The following FHIT variants were observed in gnomAD, a reference collection of about 807,000 sequenced individuals.
The protein encoded by FHIT is fragile histidine triad diadenosine triphosphatase, also known as bis(5'-adenosyl)-triphosphatase.
A neutral mutation model predicts 17.9 loss-of-function variants in FHIT; 19 were observed. The ratio of observed to expected loss-of-function variants is 1.06; its 90% CI spans 0.74 to 1.56. The LOEUF (loss-of-function observed/expected upper bound fraction) is 1.56, where lower values mean the gene tolerates loss of function less well. FHIT is among the 40% of genes most tolerant of loss of function. The pLI, the probability that FHIT is intolerant of heterozygous loss-of-function variation, is 0.00. For synonymous variants in FHIT, 81 were observed against 69.7 expected, an observed-to-expected ratio of 1.16 and a Z score of -0.81; for missense variants, 248 against 189.2, an observed-to-expected ratio of 1.31 and a Z score of -1.82.
chr3:61,172,568 A>G (rs1486211707), intron 2 of FHIT, among the ~76,000 whole-genome samples: 1 of 152,224 alleles, frequency 6.6e-6, no homozygotes, highest in Non-Finnish European at 1.5e-5. Flanking sequence ...TTAAAACAAT[A>G]TTTTAATCTA....
At chr3:60,782,235 G>GTATATATATATA (rs879948599) in intron 4 of FHIT, among the ~76,000 whole-genome samples, 8 of 76,200 alleles carry the variant, frequency 1.0e-4, no homozygotes, top group African/African-American at 3.4e-4. Flanking sequence ...GTGTGTGTGT[G>GTATATATATATA]TGTATATATA....
intron 5 of FHIT, among the ~76,000 whole-genome samples, chr3:60,511,154 C>T (rs957740134): frequency 6.6e-6 from 1 of 152,144 alleles, no homozygotes; most frequent in Non-Finnish European, 1.5e-5. Context: ...ATAAGGTTAT[C>T]CATCAGTGAA....
chr3:60,128,979 T>C (rs1195811370), intron 5 of FHIT, among the ~76,000 whole-genome samples: 1 of 152,094 alleles, frequency 6.6e-6, no homozygotes, highest in Admixed American at 6.6e-5. Flanking sequence ...ATTTAGATAA[T>C]TCATTGATTT....
chr3:60,060,733 T>C (rs1297583138), intron 5 of FHIT, among the ~76,000 whole-genome samples: 5 of 152,192 alleles, frequency 3.3e-5, no homozygotes, highest in Admixed American at 3.3e-4. Flanking sequence ...TCTCCCCCAG[T>C]GTGATACCAA....
At position 60,282,568 on chromosome 3, in the gene FHIT, C is replaced by T. The variant is rs564094791; in HGVS notation, c.103+254292G>A. ...AGTGAACTTTAAAGTAAAGTATGAA[C>T]TTCAGTTAATATAAATGTGTCAATA... On this transcript the variant is annotated intron_variant, in intron 5 of 9. Coordinates refer to ENST00000492590, the MANE Select transcript of FHIT (RefSeq NM_002012.4). Among the ~76,000 whole-genome samples, 97 of 152,176 alleles carry T rather than the reference C, an allele frequency of 6.4e-4. 1 individual carries two copies. The highest frequency in any genetic ancestry group is 6.8e-3 in the Middle Eastern group (2 of 294).
At chr3:60,308,060 A>T (rs939488930) in intron 5 of FHIT, among the ~76,000 whole-genome samples, 1 of 152,150 alleles carries the variant, frequency 6.6e-6, no homozygotes, top group Admixed American at 6.5e-5. Flanking sequence ...AGAGGAAAAC[A>T]ACGGACAGTA....
chr3:60,523,660 G>T (rs577895723), intron 5 of FHIT, among the ~76,000 whole-genome samples: 1 of 152,134 alleles, frequency 6.6e-6, no homozygotes, highest in African/African-American at 2.4e-5. Flanking sequence ...ACAATCTTGG[G>T]AAATCAAATC....
At chr3:60,462,588 G>A (rs751917079) in intron 5 of FHIT, among the ~76,000 whole-genome samples, 63 of 152,164 alleles carry the variant, frequency 4.1e-4, no homozygotes, top group Non-Finnish European at 7.8e-4. Context: ...AGAGAGGAGG[G>A]AAGAGCATCG....
chr3:60,384,920 T>C (rs1700951622), intron 5 of FHIT, among the ~76,000 whole-genome samples: 1 of 152,184 alleles, frequency 6.6e-6, no homozygotes, highest in South Asian at 2.1e-4. Flanking sequence ...ATGCCTTCCC[T>C]TTCTTTCGCT....
Position 60,314,811 on chromosome 3 carries a change from G to A in FHIT, c.103+222049C>T, listed in dbSNP as rs548179729. On this transcript the variant is annotated intron_variant, in intron 5 of 9. Transcript: ENST00000492590. ...TAAGAGAATTCAGCAGAGGCTGGGTGCGGTGGCTCATGCCTGTAATCCCAG... is the reference window on the plus strand; with the variant it reads ...TAAGAGAATTCAGCAGAGGCTGGGTACGGTGGCTCATGCCTGTAATCCCAG... Among the ~76,000 whole-genome samples, 251 of 152,286 alleles carry A rather than the reference G, an allele frequency of 1.6e-3. 3 individuals carry two copies. Among genetic ancestry groups the A allele is most frequent in the African/African-American group, 5.5e-3 (230 of 41,550 alleles).
chr3:60,288,712 G>A (rs948339246), intron 5 of FHIT, among the ~76,000 whole-genome samples: 4 of 151,558 alleles, frequency 2.6e-5, no homozygotes, highest in Non-Finnish European at 4.4e-5. Context: ...AAAGTACATA[G>A]GATTATGAGA....
chr3:59,825,418 G>T lies in FHIT; in HGVS notation c.349-73097C>A, dbSNP rs1700942921. On this transcript the variant is annotated intron_variant, in intron 8 of 9. Coordinates refer to ENST00000492590, the MANE Select transcript of FHIT (RefSeq NM_002012.4). ...AATTTCAATTTCTAGAGGGATAGTT[G>T]AGTTCTGTTGTGGTTCAAAGGAGAA... is the stretch of plus-strand genomic sequence containing the variant. Among the ~76,000 whole-genome samples, 4 of 152,158 alleles carry T rather than the reference G, an allele frequency of 2.6e-5. No individual in the cohort carries two copies. In the South Asian group the frequency reaches 8.3e-4, roughly 31 times the overall value.
intron 3 of FHIT, among the ~76,000 whole-genome samples, chr3:60,930,028 T>A (rs1308438621): frequency 6.6e-6 from 1 of 152,088 alleles, no homozygotes; most frequent in Admixed American, 6.6e-5. Flanking sequence ...TATTGACCAA[T>A]GGAACAGAAC....
chr3:60,998,169 A>C (rs2030809464), intron 3 of FHIT, among the ~76,000 whole-genome samples: 1 of 152,198 alleles, frequency 6.6e-6, no homozygotes. Context: ...CACTATTAAC[A>C]ACTGACATCA....
At chr3:60,863,552 A>G (rs982492881) in intron 3 of FHIT, among the ~76,000 whole-genome samples, 4 of 152,198 alleles carry the variant, frequency 2.6e-5, no homozygotes, top group South Asian at 4.1e-4. Flanking sequence ...TCATTCATCA[A>G]TCTGAGGTTT....
chr3:59,884,521 G>A (rs1703538858), intron 8 of FHIT, among the ~76,000 whole-genome samples: 1 of 152,116 alleles, frequency 6.6e-6, no homozygotes. Context: ...GAAACTAGAG[G>A]CTAAGACATT....
intron 5 of FHIT, among the ~76,000 whole-genome samples, chr3:60,530,302 G>A (rs1200081389): frequency 6.6e-6 from 1 of 152,196 alleles, no homozygotes; most frequent in Non-Finnish European, 1.5e-5. Context: ...GAGGTCTAGA[G>A]ACCAACATGT....
intron 7 of FHIT, among the ~76,000 whole-genome samples, chr3:59,929,953 A>C (rs1228535259): frequency 6.6e-6 from 1 of 152,078 alleles, no homozygotes; most frequent in East Asian, 1.9e-4. Context: ...GATCCCTGGA[A>C]ACACGAGTAA....
At chr3:59,895,878 C>T (rs1323908076) in intron 8 of FHIT, among the ~76,000 whole-genome samples, 1 of 151,996 alleles carries the variant, frequency 6.6e-6, no homozygotes, top group African/African-American at 2.4e-5. Context: ...GCACTACAAT[C>T]ATAGCGGTCA....
Sources: allele counts gnomAD v4.1 joint callset (sites outside exome capture counted in the v4.1 genomes callset), GRCh38; gene constraint gnomAD v4.1.1; transcripts MANE v1.5; gene names NCBI Gene and HGNC (gene_info 2026-07-23, HGNC 2026-07-21).